Variants in WDR31 observed in about 807,000 individuals in gnomAD.
WDR31 encodes WD repeat-containing protein 31.
WDR31 carries 30 observed loss-of-function variants against 47.3 expected under a neutral mutation model. The observed-to-expected ratio is 0.63, with a 90% CI of 0.47 to 0.86. The LOEUF (loss-of-function observed/expected upper bound fraction) is 0.86, where lower values mean the gene tolerates loss of function less well. Ranked by LOEUF, WDR31 falls within the 40% of genes least tolerant of loss-of-function variation. The pLI is 0.00. For synonymous variants in WDR31, 137 were observed against 159.4 expected (o/e 0.86, Z 1.06); for missense variants, 406 against 442.9 (o/e 0.92, Z 0.75).
chr9:113,339,767 G>A lies in WDR31; in HGVS notation c.-182+450C>T, dbSNP rs550155277. Among the ~76,000 whole-genome samples, 6 of 152,306 alleles carry A rather than the reference G, an allele frequency of 3.9e-5. No homozygotes were observed. The South Asian group carries it at 1.2e-3, about 32-fold the overall frequency. On this transcript the variant is annotated intron_variant, in intron 1 of 10. Coordinates refer to ENST00000374193, the MANE Select transcript of WDR31 (RefSeq NM_001012361.4). Reference sequence around the variant, plus strand: ...TTGTTTTCAAGAGACGGAGTCTCGAGTCTCGCTCTGTCACCCAGGCTGGAG... The same window carrying A: ...TTGTTTTCAAGAGACGGAGTCTCGAATCTCGCTCTGTCACCCAGGCTGGAG...
intron 10 of WDR31, 57 bp from the exon 11 acceptor site, chr9:113,316,966 G>T: frequency 6.4e-7 from 1 of 1,569,194 alleles, no homozygotes; most frequent in Non-Finnish European, 8.7e-7. Context: ...CATGAAATGT[G>T]ATGTCTTCAT....
At chr9:113,337,228 A>G (rs1342494108) in intron 1 of WDR31, among the ~76,000 whole-genome samples, 3 of 152,308 alleles carry the variant, frequency 2.0e-5, no homozygotes, top group Non-Finnish European at 2.9e-5. Flanking sequence ...GTAAAATAGG[A>G]TAATAACTCT....
rs1833613384 is a variant in WDR31 at position 113,332,176 on chromosome 9, CACTT to C, written c.-28-130_-28-127del. 3 of 612,580 alleles carry C rather than the reference CACTT, an allele frequency of 4.9e-6. No homozygotes were observed. The East Asian group carries it at 9.8e-5, about 20-fold the overall frequency. The allele number at this position is 612,580 out of a possible 1,614,324, so 37.9% of individuals were successfully genotyped here. ...TGCTTTTCCTCCTCACCCTGCTTCA[CACTT>C]ACAGCCCTGAGGTTGCAGACACACA... On this transcript the variant is annotated intron_variant, in intron 2 of 10. Transcript: ENST00000374193.
rs1833139435 is a variant in WDR31, at chr9:113,314,207, TATTTTA to T, written c.*2536_*2541del. 6.6e-6 allele frequency: 1 copy of T among 150,412 alleles called. No individual in the cohort carries two copies. Among genetic ancestry groups the T allele is most frequent in the African/African-American group, 2.4e-5 (1 of 40,822 alleles). The allele number at this position is 150,412 out of a possible 1,614,324, so 9.3% of individuals were successfully genotyped here. On this transcript the variant is annotated 3_prime_UTR_variant, in exon 11 of 11. Transcript: ENST00000374193. ...ATCAAGGAATGGTAAACGTTTATTT[TATTTTA>T]TTTTATTTTATTTTATTTTGAGATA... is the stretch of plus-strand genomic sequence containing the variant.
Position 113,318,639 on chromosome 9 carries a change from T to G in WDR31, c.781-2A>C. ...TCGAGTCTGTCTTAGGTCCCACAAC[T>G]GCAAAGTAATGACATGGACCAGCTC... On this transcript the variant is annotated splice_acceptor_variant, in intron 9 of 10. Transcript: ENST00000374193. LOFTEE classifies it high-confidence loss of function. The G allele has an allele frequency of 6.2e-7, 1 of 1,614,012 alleles. No homozygotes were observed. Among genetic ancestry groups the G allele is most frequent in the Non-Finnish European group, 8.5e-7 (1 of 1,179,906 alleles).
chr9:113,331,672 A>C (rs1383550287), intron 3 of WDR31, among the ~76,000 whole-genome samples: 2 of 152,104 alleles, frequency 1.3e-5, no homozygotes, highest in Non-Finnish European at 2.9e-5. Flanking sequence ...GTCTCAAACT[A>C]CTGAGCTCAA....
chr9:113,323,183 A>T, intron 5 of WDR31, 28 bp from the exon 6 acceptor site: 1 of 1,606,218 alleles, frequency 6.2e-7, no homozygotes, highest in South Asian at 1.1e-5. Flanking sequence ...AACAACACTG[A>T]AATAGCTCTG....
rs764141336 is a variant in WDR31 at position 113,318,616 on chromosome 9, G to A, written c.802C>T (p.Arg268Ter). 65 of 1,613,924 alleles carry A rather than the reference G, an allele frequency of 4.0e-5. No homozygotes were observed. The highest frequency in any genetic ancestry group is 1.6e-4 in the Middle Eastern group (1 of 6,084). ...CCCTTATACTCACATATTCTGTTTC[G>A]AGTCTGTCTTAGGTCCCACAACTGC... is the stretch of plus-strand genomic sequence containing the variant. ...EATLWDLRQTRNRICEYKGHF... is the reference protein window; with the variant it reads ...EATLWDLRQT The change falls in exon 10 of 11, where the codon CGA (arginine) becomes TGA (stop). Residue 268 changes from arginine to a stop codon, truncating the protein, a stop_gained. Transcript: ENST00000374193. LOFTEE classifies it high-confidence loss of function.
chr9:113,318,746 C>T, intron 9 of WDR31, 109 bp from the exon 10 acceptor site: 1 of 1,139,978 alleles, frequency 8.8e-7, no homozygotes. Context: ...CTTACCTGCT[C>T]ACGTAGCTAC....
chr9:113,337,768 A>G (rs1833748760), intron 1 of WDR31, among the ~76,000 whole-genome samples: 2 of 152,190 alleles, frequency 1.3e-5, no homozygotes, highest in Non-Finnish European at 2.9e-5. Flanking sequence ...GCCCAGCCAC[A>G]TCGGAGCATT....
intron 10 of WDR31, 113 bp downstream of exon 10, chr9:113,318,362 C>G: frequency 8.2e-7 from 1 of 1,226,626 alleles, no homozygotes; most frequent in South Asian, 1.3e-5. Context: ...TGAGACTGGA[C>G]AGTGGCAGAA....
At chr9:113,333,650 G>A (rs796463999) in intron 2 of WDR31, among the ~76,000 whole-genome samples, 28 of 151,364 alleles carry the variant, frequency 1.8e-4, no homozygotes, top group African/African-American at 6.5e-4. Context: ...CAAAGTGCTG[G>A]GATTACAGGC....
Position 113,316,814 on chromosome 9 carries a change from C to A in WDR31, c.1039G>T (p.Gly347Ter), listed in dbSNP as rs765680364. The A allele has an allele frequency of 6.2e-7, 1 of 1,614,016 alleles. No individual in the cohort carries two copies. The highest frequency in any genetic ancestry group is 8.5e-7 in the Non-Finnish European group (1 of 1,180,040). Reference protein sequence around the residue: ...ISLLCASFNRGIHLLRMDHSQ... With the variant: ...ISLLCASFNR ...TGGTCCATTCTGAGTAAGTGAATTC[C>A]TCTGTTAAAACTTGCACACAATAAG... The change falls in exon 11 of 11, where the codon GGA becomes TGA. Residue 347 changes from glycine (G) to a stop codon, truncating the protein, a stop_gained. Transcript: ENST00000374193. LOFTEE classifies it high-confidence loss of function.
intron 4 of WDR31, among the ~76,000 whole-genome samples, chr9:113,330,051 T>C (rs1833561238): frequency 6.6e-6 from 1 of 152,138 alleles, no homozygotes; most frequent in Non-Finnish European, 1.5e-5. Context: ...TGGAATGCAG[T>C]ATGCAAATGG....
chr9:113,318,118 C>A (rs1027717180), intron 10 of WDR31, among the ~76,000 whole-genome samples: 1 of 152,192 alleles, frequency 6.6e-6, no homozygotes, highest in Non-Finnish European at 1.5e-5. Context: ...CCTTACTCCC[C>A]CTTACCCTCA....
At chr9:113,321,599 A>C (rs1158092867) in intron 7 of WDR31, 21 bp from the exon 8 acceptor site, 8 of 1,611,620 alleles carry the variant, frequency 5.0e-6, no homozygotes, top group Non-Finnish European at 5.9e-6. Context: ...CAAAATGTTC[A>C]GAACTTCTCC....
At chr9:113,324,828 A>ATATGTG (rs1215834432) in intron 5 of WDR31, among the ~76,000 whole-genome samples, 224 of 138,190 alleles carry the variant, frequency 1.6e-3, no homozygotes, top group East Asian at 9.4e-3. Flanking sequence ...ATATATATAT[A>ATATGTG]TGTGTGTGTG....
Position 113,316,578 on chromosome 9 carries a change from G to T in WDR31, c.*171C>A. ...GTTTCTGGACTCTATACCTGATTTTGAATCACTGGACTTAAATTATTGGAC... is the reference window on the plus strand; with the variant it reads ...GTTTCTGGACTCTATACCTGATTTTTAATCACTGGACTTAAATTATTGGAC... On this transcript the variant is annotated 3_prime_UTR_variant, in exon 11 of 11. Transcript: ENST00000374193. 1.3e-6 allele frequency: 1 copy of T among 760,050 alleles called. No homozygotes were observed. Among genetic ancestry groups the T allele is most frequent in the Non-Finnish European group, 2.0e-6 (1 of 492,208 alleles). 47.1% of individuals were successfully genotyped at this position (760,050 alleles called of 1,614,324 possible).
chr9:113,331,125 A>C lies in WDR31; in HGVS notation c.117-9T>G, dbSNP rs755640057. 2.4e-6 allele frequency: 3 copies of C among 1,266,784 alleles called. No individual in the cohort carries two copies. The highest frequency in any genetic ancestry group is 3.1e-6 in the Non-Finnish European group (3 of 964,064). The allele number at this position is 1,266,784 out of a possible 1,614,324, so 78.5% of individuals were successfully genotyped here. A position where few individuals can be genotyped will look rare whatever the true frequency, so the allele number is the denominator to read the frequency against. ...TAATTTCATCAGGCCTGCTAAAAAG[A>C]GTATAGAAAATGAGAGACCCAATGG... On this transcript the variant is annotated splice_polypyrimidine_tract_variant and intron_variant, in intron 3 of 10. Transcript: ENST00000374193.
Sources: gnomAD v4.1 joint callset for allele counts (sites outside exome capture counted in the v4.1 genomes callset) on GRCh38, gnomAD v4.1.1 for gene constraint, MANE v1.5 for transcripts, NCBI Gene and HGNC (gene_info 2026-07-23, HGNC 2026-07-21) for gene names.